The following LCLAT1 variants were observed in gnomAD, a reference collection of about 807,000 sequenced individuals.
LCLAT1 encodes the protein lysocardiolipin acyltransferase 1, also known as 1-AGP acyltransferase 8.
In LCLAT1, 11 loss-of-function variants were observed where a neutral mutation model predicts 30.7. The observed-to-expected ratio is 0.36, with a 90% confidence interval of 0.23 to 0.59. LCLAT1 has a LOEUF of 0.59. Ranked by LOEUF, LCLAT1 falls within the 20% of genes least tolerant of loss-of-function variation. The pLI, the probability that LCLAT1 is intolerant of heterozygous loss-of-function variation, is 0.77. For missense variants in LCLAT1, 402 were observed against 458.6 expected (o/e 0.88, Z 1.13); for synonymous variants, 155 against 151.3 (o/e 1.02, Z -0.18).
intron 3 of LCLAT1, among the ~76,000 whole-genome samples, chr2:30,557,410 C>G (rs933341502): frequency 2.6e-5 from 4 of 151,010 alleles, no homozygotes; most frequent in South Asian, 2.1e-4. Context: ...TGGAAAAATT[C>G]ACATCAATTT....
chr2:30,571,368 T>C (rs1047856812), intron 5 of LCLAT1, among the ~76,000 whole-genome samples: 1 of 152,208 alleles, frequency 6.6e-6, no homozygotes, highest in African/African-American at 2.4e-5. Context: ...GGGACGCTCA[T>C]GTTTGTCTAC....
intron 5 of LCLAT1, among the ~76,000 whole-genome samples, chr2:30,588,535 C>T (rs1285393341): frequency 6.6e-6 from 1 of 152,132 alleles, no homozygotes; most frequent in African/African-American, 2.4e-5. Flanking sequence ...TCAAACTCTC[C>T]TCTTCTCTTT....
chr2:30,558,562 C>T (rs1426671551), intron 3 of LCLAT1, among the ~76,000 whole-genome samples: 2 of 143,706 alleles, frequency 1.4e-5, no homozygotes, highest in African/African-American at 5.2e-5. Context: ...CACACCACTG[C>T]ACTCCAGCTT....
At chr2:30,471,737 C>T (rs1011060483) in intron 1 of LCLAT1, among the ~76,000 whole-genome samples, 16 of 146,482 alleles carry the variant, frequency 1.1e-4, no homozygotes, top group African/African-American at 4.1e-4. Flanking sequence ...ATCTCGTACC[C>T]TTCAACTTTG....
intron 1 of LCLAT1, among the ~76,000 whole-genome samples, chr2:30,488,668 G>T (rs554212918): frequency 1.8e-4 from 28 of 152,132 alleles, no homozygotes; most frequent in Non-Finnish European, 2.9e-4. Flanking sequence ...CCACATTCCA[G>T]ATTCCTACCA....
chr2:30,591,858 CCTT>C (rs962143816), intron 5 of LCLAT1, among the ~76,000 whole-genome samples: 2 of 152,084 alleles, frequency 1.3e-5, no homozygotes, highest in African/African-American at 4.8e-5. Flanking sequence ...TGGTTATTGC[CCTT>C]CTTAGAAACT....
chr2:30,637,997 T>C (rs1669119484), intron 5 of LCLAT1, among the ~76,000 whole-genome samples: 1 of 152,194 alleles, frequency 6.6e-6, no homozygotes, highest in African/African-American at 2.4e-5. Flanking sequence ...GCGAACAATA[T>C]ACAGCACTCC....
intron 1 of LCLAT1, 95 bp from the exon 2 acceptor site, chr2:30,525,492 A>C: frequency 1.0e-6 from 1 of 972,976 alleles, no homozygotes; most frequent in Non-Finnish European, 1.6e-6. Flanking sequence ...CTGTAGCCCT[A>C]AAATTAGTGA....
intron 3 of LCLAT1, among the ~76,000 whole-genome samples, chr2:30,537,462 AATT>A (rs1423802421): frequency 2.0e-5 from 3 of 151,822 alleles, no homozygotes; most frequent in African/African-American, 7.3e-5. Context: ...CAAAGAAGGC[AATT>A]ATTAATATAT....
intron 1 of LCLAT1, among the ~76,000 whole-genome samples, chr2:30,486,183 G>C (rs1394643184): frequency 6.6e-6 from 1 of 152,080 alleles, no homozygotes; most frequent in Non-Finnish European, 1.5e-5. Flanking sequence ...GACTGACTTT[G>C]TTATAGTCAG....
chr2:30,568,622 C>T (rs573717809), intron 5 of LCLAT1, among the ~76,000 whole-genome samples: 2 of 149,734 alleles, frequency 1.3e-5, no homozygotes, highest in Non-Finnish European at 3.0e-5. Flanking sequence ...ATTCCCCTGC[C>T]TCAGCCTCCC....
At chr2:30,480,196 C>T (rs976658094) in intron 1 of LCLAT1, among the ~76,000 whole-genome samples, 11 of 152,216 alleles carry the variant, frequency 7.2e-5, no homozygotes, top group African/African-American at 2.2e-4. Flanking sequence ...ATCAGCTGAA[C>T]GACATTTGTT....
intron 1 of LCLAT1, among the ~76,000 whole-genome samples, chr2:30,464,475 A>G (rs1410233292): frequency 6.6e-6 from 1 of 152,192 alleles, no homozygotes; most frequent in Admixed American, 6.5e-5. Context: ...GTTTATTATT[A>G]CCCAACTCTA....
At chr2:30,583,241 T>C (rs1230253316) in intron 5 of LCLAT1, among the ~76,000 whole-genome samples, 2 of 152,202 alleles carry the variant, frequency 1.3e-5, no homozygotes, top group African/African-American at 2.4e-5. Flanking sequence ...AACCAGAAGT[T>C]TCTCAGATGC....
chr2:30,561,903 G>A (rs571519822), intron 3 of LCLAT1, among the ~76,000 whole-genome samples: 11 of 152,034 alleles, frequency 7.2e-5, no homozygotes, highest in Non-Finnish European at 1.3e-4. Context: ...GCTAGTTTTC[G>A]CTTGAAAAGA....
intron 2 of LCLAT1, among the ~76,000 whole-genome samples, chr2:30,530,210 A>G (rs923771635): frequency 6.6e-6 from 1 of 152,232 alleles, no homozygotes; most frequent in Non-Finnish European, 1.5e-5. Context: ...TACTGTTGAC[A>G]CTATTATCTC....
intron 3 of LCLAT1, among the ~76,000 whole-genome samples, chr2:30,542,266 C>T (rs975001198): frequency 6.6e-6 from 1 of 152,090 alleles, no homozygotes; most frequent in Non-Finnish European, 1.5e-5. Flanking sequence ...CTTTGTCTGA[C>T]CTTGTGTCAC....
intron 3 of LCLAT1, among the ~76,000 whole-genome samples, chr2:30,551,917 G>A (rs540954265): frequency 2.3e-4 from 35 of 152,276 alleles, no homozygotes; most frequent in Non-Finnish European, 3.5e-4. Flanking sequence ...ATTACATTGG[G>A]CCCACTAGAA....
intron 1 of LCLAT1, among the ~76,000 whole-genome samples, chr2:30,523,455 G>A (rs755854546): frequency 6.6e-6 from 1 of 152,012 alleles, no homozygotes; most frequent in East Asian, 1.9e-4. Context: ...TTATTACTCC[G>A]TTACCCCACT....
Sources: allele counts gnomAD v4.1 joint callset (sites outside exome capture counted in the v4.1 genomes callset), GRCh38; gene constraint gnomAD v4.1.1; transcripts MANE v1.5; gene names NCBI Gene and HGNC (gene_info 2026-07-23, HGNC 2026-07-21).